Variants in MED12L observed in about 807,000 individuals in gnomAD.
MED12L encodes the protein mediator complex subunit 12L, also known as mediator of RNA polymerase II transcription subunit 12-like protein.
Under a neutral mutation model 281.3 loss-of-function variants are expected in MED12L, and 60 were observed. The observed-to-expected ratio is 0.21, with a 90% CI of 0.17 to 0.26. The LOEUF is 0.26. Among genes scored for constraint, MED12L ranks in the 10% least tolerant of loss-of-function variants. The probability of loss-of-function intolerance (pLI) is 1.00; values close to 1 mark genes in which losing one functional copy is unlikely to be tolerated. For synonymous variants in MED12L, 974 were observed against 987.2 expected (o/e 0.99, Z 0.25); for missense variants, 2,146 against 2,680.9 (o/e 0.80, Z 4.41).
intron 16 of MED12L, chr3:151,213,640 G>C (rs779580436): frequency 6.2e-7 from 1 of 1,614,092 alleles, no homozygotes; most frequent in Admixed American, 1.7e-5. Flanking sequence ...CTTTTTGACC[G>C]AAGTGGAATT....
intron 20 of MED12L, among the ~76,000 whole-genome samples, chr3:151,357,918 C>T (rs1345263555): frequency 6.6e-6 from 1 of 152,146 alleles, no homozygotes. Flanking sequence ...GCTAATACCA[C>T]CCCCATTAAA....
chr3:151,346,910 TA>T (rs1317308716), intron 16 of MED12L, among the ~76,000 whole-genome samples: 1 of 152,206 alleles, frequency 6.6e-6, no homozygotes, highest in Non-Finnish European at 1.5e-5. Flanking sequence ...CCTGCTGTTA[TA>T]ATGTATTAAT....
At chr3:151,368,352 T>G (rs1226192085) in intron 25 of MED12L, 101 bp downstream of exon 25, 11 of 1,001,874 alleles carry the variant, frequency 1.1e-5, no homozygotes, top group Non-Finnish European at 1.4e-5. Context: ...CTTCTTAATT[T>G]TTTGGGCATG....
At chr3:151,233,592 G>A (rs1732139129) in intron 16 of MED12L, among the ~76,000 whole-genome samples, 1 of 152,196 alleles carries the variant, frequency 6.6e-6, no homozygotes, top group Non-Finnish European at 1.5e-5. Flanking sequence ...AATTAGCTGG[G>A]CGTGGTGGCA....
At chr3:151,198,659 C>T (rs1725045094) in intron 16 of MED12L, 4 of 1,613,976 alleles carry the variant, frequency 2.5e-6, no homozygotes, top group Non-Finnish European at 3.4e-6. Context: ...ATACGGGATT[C>T]GGACAATGTG....
At chr3:151,150,187 A>G (rs1464875092) in intron 5 of MED12L, among the ~76,000 whole-genome samples, 1 of 152,226 alleles carries the variant, frequency 6.6e-6, no homozygotes, top group Non-Finnish European at 1.5e-5. Flanking sequence ...CTAATGAAAT[A>G]TATGTCTTAA....
chr3:151,312,785 T>TA (rs745857066), intron 16 of MED12L, among the ~76,000 whole-genome samples: 49 of 152,332 alleles, frequency 3.2e-4, no homozygotes, highest in Non-Finnish European at 5.1e-4. Flanking sequence ...GGATTCACAT[T>TA]ACAGGTTTGC....
At chr3:151,300,287 C>A in intron 16 of MED12L, 1 of 618,492 alleles carries the variant, frequency 1.6e-6, no homozygotes. Flanking sequence ...AAGCAATTGC[C>A]TCCACGATTC....
intron 11 of MED12L, among the ~76,000 whole-genome samples, chr3:151,169,803 G>T (rs879795923): frequency 2.0e-5 from 3 of 152,080 alleles, no homozygotes; most frequent in South Asian, 2.1e-4. Context: ...ATTCATTCAG[G>T]ATTTAGATAG....
At chr3:151,206,556 C>CT (rs1473626230) in intron 16 of MED12L, among the ~76,000 whole-genome samples, 2 of 136,688 alleles carry the variant, frequency 1.5e-5, no homozygotes, top group African/African-American at 5.5e-5. Flanking sequence ...TATCTCGTTT[C>CT]TTTTTAGTCA....
chr3:151,092,607 G>A (rs77052226), intron 2 of MED12L, among the ~76,000 whole-genome samples: 32,501 of 152,178 alleles, frequency 0.21, 3,715 homozygotes, highest in African/African-American at 0.3. Context: ...AGGCATGAAT[G>A]CCTGTTTTAG....
intron 17 of MED12L, among the ~76,000 whole-genome samples, chr3:151,353,271 C>G (rs1390671470): frequency 2.6e-5 from 4 of 152,172 alleles, no homozygotes; most frequent in East Asian, 3.8e-4. Flanking sequence ...TTGATGTTAG[C>G]TCTTCAGCCT....
At chr3:151,419,752 C>T (rs913236995) in intron 43 of MED12L, among the ~76,000 whole-genome samples, 3 of 152,074 alleles carry the variant, frequency 2.0e-5, no homozygotes, top group East Asian at 1.9e-4. Flanking sequence ...TTCCTGCAAC[C>T]GGAAACGCAC....
chr3:151,243,455 C>T (rs1250859188), intron 16 of MED12L, among the ~76,000 whole-genome samples: 1 of 152,004 alleles, frequency 6.6e-6, no homozygotes, highest in Non-Finnish European at 1.5e-5. Flanking sequence ...GAGTGGGGGC[C>T]AATATTCAAC....
At chr3:151,139,693 C>T (rs1228357693) in intron 5 of MED12L, among the ~76,000 whole-genome samples, 1 of 152,078 alleles carries the variant, frequency 6.6e-6, no homozygotes, top group Non-Finnish European at 1.5e-5. Context: ...TCATCATCTT[C>T]CATGTAGGAA....
chr3:151,157,795 C>T (rs1002338805), intron 6 of MED12L, among the ~76,000 whole-genome samples: 9 of 152,298 alleles, frequency 5.9e-5, no homozygotes, highest in South Asian at 4.1e-4. Context: ...ACTGGTAATA[C>T]ATAACAGTTG....
At chr3:151,106,083 A>C (rs1267553649) in intron 2 of MED12L, among the ~76,000 whole-genome samples, 3 of 151,100 alleles carry the variant, frequency 2.0e-5, no homozygotes, top group African/African-American at 4.9e-5. Context: ...TGATCTTCCA[A>C]CTCTCATGAG....
At chr3:151,094,609 A>T (rs1404108084) in intron 2 of MED12L, among the ~76,000 whole-genome samples, 2 of 152,216 alleles carry the variant, frequency 1.3e-5, no homozygotes, top group Non-Finnish European at 2.9e-5. Flanking sequence ...CTCTTAGAAA[A>T]TGTGTATGTA....
intron 6 of MED12L, among the ~76,000 whole-genome samples, chr3:151,157,951 C>A (rs1165837219): frequency 2.6e-5 from 4 of 152,098 alleles, no homozygotes; most frequent in African/African-American, 4.8e-5. Flanking sequence ...GATATTAAAT[C>A]TATATGTGCA....
Sources: allele counts gnomAD v4.1 joint callset (sites outside exome capture counted in the v4.1 genomes callset), GRCh38; gene constraint gnomAD v4.1.1; transcripts MANE v1.5; gene names NCBI Gene and HGNC (gene_info 2026-07-23, HGNC 2026-07-21).